The following EXOC6B variants were observed in gnomAD, a reference collection of about 807,000 sequenced individuals.
The protein encoded by EXOC6B is exocyst complex component 6B.
A neutral mutation model predicts 113.5 loss-of-function variants in EXOC6B; 54 were observed. The observed-to-expected ratio is 0.48, with a 90% CI of 0.38 to 0.60. The LOEUF (loss-of-function observed/expected upper bound fraction) is 0.60. Ranked by LOEUF, EXOC6B falls within the 20% of genes least tolerant of loss-of-function variation. The pLI is 0.00. For missense variants in EXOC6B, 797 were observed against 977.5 expected, an observed-to-expected ratio of 0.82 and a Z score of 2.46; for synonymous variants, 357 against 339.0, an observed-to-expected ratio of 1.05 and a Z score of -0.58.
intron 20 of EXOC6B, among the ~76,000 whole-genome samples, chr2:72,299,748 G>A (rs1573211448): frequency 6.6e-6 from 1 of 152,150 alleles, no homozygotes; most frequent in African/African-American, 2.4e-5. Context: ...TGTTGATGTT[G>A]ATACTATTCC....
chr2:72,209,033 G>A (rs1012119803), intron 20 of EXOC6B, among the ~76,000 whole-genome samples: 2 of 151,926 alleles, frequency 1.3e-5, no homozygotes, highest in Non-Finnish European at 2.9e-5. Flanking sequence ...AGACCAGCCT[G>A]ACCAACATGG....
At chr2:72,760,974 C>G (rs1448958706) in intron 1 of EXOC6B, among the ~76,000 whole-genome samples, 1 of 152,042 alleles carries the variant, frequency 6.6e-6, no homozygotes, top group East Asian at 1.9e-4. Flanking sequence ...GAGGTCAGGA[C>G]TTCAGGACCA....
At chr2:72,294,288 C>T (rs1294930967) in intron 20 of EXOC6B, among the ~76,000 whole-genome samples, 3 of 151,898 alleles carry the variant, frequency 2.0e-5, no homozygotes, top group Non-Finnish European at 4.4e-5. Flanking sequence ...GTTTACCCTC[C>T]AAAGTTAATA....
At chr2:72,741,890 C>A (rs1166638974) in intron 1 of EXOC6B, among the ~76,000 whole-genome samples, 1 of 152,198 alleles carries the variant, frequency 6.6e-6, no homozygotes, top group Non-Finnish European at 1.5e-5. Context: ...AACTACAAAT[C>A]TAAATTAGGC....
intron 6 of EXOC6B, among the ~76,000 whole-genome samples, chr2:72,707,198 T>C (rs547135243): frequency 6.6e-6 from 1 of 152,310 alleles, no homozygotes; most frequent in South Asian, 2.1e-4. Context: ...GCTACTAAGT[T>C]TTATGATAAT....
chr2:72,224,124 T>C (rs1341828686), intron 20 of EXOC6B, among the ~76,000 whole-genome samples: 2 of 152,198 alleles, frequency 1.3e-5, no homozygotes, highest in Non-Finnish European at 2.9e-5. Context: ...AAATGTATGT[T>C]ATATAAACAT....
At chr2:72,566,646 A>G (rs1369939894) in intron 7 of EXOC6B, among the ~76,000 whole-genome samples, 1 of 152,148 alleles carries the variant, frequency 6.6e-6, no homozygotes, top group East Asian at 1.9e-4. Flanking sequence ...TTTCACAGAA[A>G]TATATGAGTT....
intron 1 of EXOC6B, among the ~76,000 whole-genome samples, chr2:72,813,914 T>C (rs1037771184): frequency 1.3e-5 from 2 of 151,606 alleles, no homozygotes; most frequent in East Asian, 3.9e-4. Flanking sequence ...AGATACAAAG[T>C]CAAGCACAAA....
intron 12 of EXOC6B, among the ~76,000 whole-genome samples, chr2:72,499,339 T>C (rs1030047928): frequency 1.3e-5 from 2 of 151,354 alleles, no homozygotes; most frequent in African/African-American, 2.4e-5. Context: ...CAAGAAATTC[T>C]CCTGCCTCAG....
intron 6 of EXOC6B, among the ~76,000 whole-genome samples, chr2:72,713,208 A>G (rs550337536): frequency 1.3e-5 from 2 of 152,294 alleles, no homozygotes; most frequent in Non-Finnish European, 2.9e-5. Flanking sequence ...CACTGCAGCA[A>G]CTCAGGACAC....
chr2:72,330,742 G>A (rs1018448064), intron 20 of EXOC6B, among the ~76,000 whole-genome samples: 1 of 152,000 alleles, frequency 6.6e-6, no homozygotes. Flanking sequence ...CCTGTTTCTT[G>A]AATTTGGACT....
intron 18 of EXOC6B, among the ~76,000 whole-genome samples, chr2:72,389,127 G>A (rs1692221629): frequency 6.6e-6 from 1 of 151,882 alleles, no homozygotes; most frequent in Non-Finnish European, 1.5e-5. Flanking sequence ...AATCTGCTCT[G>A]TTTCCTTTTT....
At chr2:72,277,964 A>G (rs967621675) in intron 20 of EXOC6B, among the ~76,000 whole-genome samples, 3 of 152,178 alleles carry the variant, frequency 2.0e-5, no homozygotes, top group African/African-American at 4.8e-5. Flanking sequence ...TGTATGAAAT[A>G]AAAACCAGAA....
chr2:72,260,867 A>C (rs371787626), intron 20 of EXOC6B, among the ~76,000 whole-genome samples: 1 of 152,118 alleles, frequency 6.6e-6, no homozygotes, highest in East Asian at 1.9e-4. Context: ...TCTCTAAACC[A>C]TTGATTTAGA....
At chr2:72,185,740 C>CTTTT (rs60868469) in intron 20 of EXOC6B, among the ~76,000 whole-genome samples, 16 of 143,818 alleles carry the variant, frequency 1.1e-4, no homozygotes, top group African/African-American at 2.3e-4. Flanking sequence ...GTATTTCTTT[C>CTTTT]TTTTTTTTTT....
At chr2:72,728,488 GGA>G (rs1680446498) in intron 5 of EXOC6B, among the ~76,000 whole-genome samples, 1 of 152,090 alleles carries the variant, frequency 6.6e-6, no homozygotes, top group Non-Finnish European at 1.5e-5. Context: ...GTATCAGTAA[GGA>G]TAGTTATAGT....
At chr2:72,697,669 G>A (rs1351253751) in intron 6 of EXOC6B, among the ~76,000 whole-genome samples, 1 of 152,132 alleles carries the variant, frequency 6.6e-6, no homozygotes, top group African/African-American at 2.4e-5. Context: ...GGGCAACAGA[G>A]CCAGACCCTG....
At position 72,645,444 on chromosome 2, in the gene EXOC6B, T is replaced by C. The variant is rs1018813110; in HGVS notation, c.670-69776A>G. Among the ~76,000 whole-genome samples, 8 of 152,304 alleles carry C rather than the reference T, an allele frequency of 5.3e-5. No individual in the cohort carries two copies. The East Asian group carries it at 5.8e-4, about 11-fold the overall frequency. ...TCAGCTCTGCACCAAGCAGACCTAA[T>C]AGACACCTACAGAACTCTCCACCCC... is the stretch of plus-strand genomic sequence containing the variant. On this transcript the variant is annotated intron_variant, in intron 6 of 21. Transcript: ENST00000272427.
At chr2:72,264,702 G>C (rs925455020) in intron 20 of EXOC6B, among the ~76,000 whole-genome samples, 2 of 151,864 alleles carry the variant, frequency 1.3e-5, no homozygotes, top group African/African-American at 4.8e-5. Context: ...TTGAATCATG[G>C]GGGCAGTTTT....
Sources: allele counts gnomAD v4.1 joint callset (sites outside exome capture counted in the v4.1 genomes callset), GRCh38; gene constraint gnomAD v4.1.1; transcripts MANE v1.5; gene names NCBI Gene and HGNC (gene_info 2026-07-23, HGNC 2026-07-21).